Variants in TEAD1 observed in about 807,000 individuals in gnomAD.
The protein encoded by TEAD1 is TEA domain transcription factor 1.
Under a neutral mutation model 54.9 loss-of-function variants are expected in TEAD1, and 9 were observed. The ratio of observed to expected loss-of-function variants is 0.16; its 90% CI spans 0.10 to 0.29. TEAD1 has a LOEUF of 0.29. TEAD1 is among the 10% of genes least tolerant of loss of function. TEAD1 has a pLI of 1.00. For missense variants in TEAD1, 387 were observed against 535.9 expected (o/e 0.72, Z 2.74); for synonymous variants, 200 against 187.8 (o/e 1.07, Z -0.53).
intron 3 of TEAD1, among the ~76,000 whole-genome samples, chr11:12,769,681 A>G (rs896494868): frequency 5.9e-5 from 9 of 152,162 alleles, no homozygotes; most frequent in Non-Finnish European, 1.0e-4. Flanking sequence ...TCGGAGCTCC[A>G]TATGAACATC....
intron 3 of TEAD1, among the ~76,000 whole-genome samples, chr11:12,830,485 T>C (rs1946750366): frequency 6.6e-6 from 1 of 152,058 alleles, no homozygotes; most frequent in Admixed American, 6.6e-5. Context: ...CCCTCCTTTT[T>C]AGAAGCAGGC....
intron 3 of TEAD1, among the ~76,000 whole-genome samples, chr11:12,773,271 T>TA (rs1438024088): frequency 2.0e-5 from 3 of 152,246 alleles, no homozygotes; most frequent in Non-Finnish European, 4.4e-5. Flanking sequence ...AGTATTCACT[T>TA]ACATGGGATA....
chr11:12,773,575 T>C (rs1042149725), intron 3 of TEAD1, among the ~76,000 whole-genome samples: 1 of 152,256 alleles, frequency 6.6e-6, no homozygotes, highest in African/African-American at 2.4e-5. Flanking sequence ...TTCAGTGAAA[T>C]GTCTGTTCAT....
chr11:12,902,487 C>T (rs1031693297), intron 10 of TEAD1, among the ~76,000 whole-genome samples: 3 of 152,176 alleles, frequency 2.0e-5, no homozygotes, highest in Non-Finnish European at 4.4e-5. Context: ...TTTAAAATGA[C>T]GGGCAAAGTC....
chr11:12,726,424 A>G (rs1944313561), intron 2 of TEAD1, among the ~76,000 whole-genome samples: 1 of 152,224 alleles, frequency 6.6e-6, no homozygotes, highest in Non-Finnish European at 1.5e-5. Flanking sequence ...TGGTTGCTCT[A>G]GGCCTGTGCT....
At chr11:12,748,419 A>G (rs1944795540) in intron 2 of TEAD1, among the ~76,000 whole-genome samples, 1 of 152,174 alleles carries the variant, frequency 6.6e-6, no homozygotes, top group Admixed American at 6.5e-5. Context: ...GTGTGCAGCT[A>G]GAATGTTGGG....
chr11:12,739,504 A>G (rs2133890357), intron 2 of TEAD1, among the ~76,000 whole-genome samples: 1 of 152,240 alleles, frequency 6.6e-6, no homozygotes, highest in Non-Finnish European at 1.5e-5. Context: ...TGACTACTCT[A>G]GGTACCGCAT....
In TEAD1 at chr11:12,941,427, A is replaced by T. The variant is rs761541938; in HGVS notation, c.*4205A>T. ...ACTTGGTGTCAAAAGTCCCCGAACG[A>T]CTTTTAAACCCAAGTCTTCTTAAGG... On this transcript the variant is annotated 3_prime_UTR_variant, in exon 13 of 13. Coordinates refer to ENST00000527636, the MANE Select transcript of TEAD1 (RefSeq NM_021961.6). 3 of 152,228 alleles carry T rather than the reference A, an allele frequency of 2.0e-5. No individual in the cohort carries two copies. Among genetic ancestry groups the T allele is most frequent in the Non-Finnish European group, 2.9e-5 (2 of 68,036 alleles). 9.4% of individuals were successfully genotyped at this position (152,228 alleles called of 1,614,324 possible).
At chr11:12,727,428 G>C (rs547100625) in intron 2 of TEAD1, among the ~76,000 whole-genome samples, 4 of 152,132 alleles carry the variant, frequency 2.6e-5, no homozygotes, top group Non-Finnish European at 4.4e-5. Context: ...TAGGCGCTTC[G>C]CATCTCTGAA....
At chr11:12,906,146 G>A (rs953692349) in intron 10 of TEAD1, among the ~76,000 whole-genome samples, 5 of 151,908 alleles carry the variant, frequency 3.3e-5, no homozygotes, top group South Asian at 2.1e-4. Context: ...TCATGGTGTG[G>A]GACCCCTTAA....
intron 9 of TEAD1, among the ~76,000 whole-genome samples, chr11:12,887,454 G>T (rs1948115061): frequency 6.6e-6 from 1 of 152,176 alleles, no homozygotes; most frequent in Non-Finnish European, 1.5e-5. Flanking sequence ...CTGAAGGTTG[G>T]TTCTTGTGCT....
intron 5 of TEAD1, chr11:12,865,124 T>TGTATGTG (rs1269275187): frequency 2.3e-5 from 14 of 604,390 alleles, no homozygotes; most frequent in Non-Finnish European, 3.9e-5. Context: ...TGTGTGCGTG[T>TGTATGTG]GTATGTGTGT....
intron 2 of TEAD1, among the ~76,000 whole-genome samples, chr11:12,749,120 G>C (rs1396722712): frequency 6.6e-6 from 1 of 152,052 alleles, no homozygotes; most frequent in Non-Finnish European, 1.5e-5. Context: ...TGCCAGAACT[G>C]TGTGTGTGTG....
intron 3 of TEAD1, among the ~76,000 whole-genome samples, chr11:12,822,034 G>A (rs1428159649): frequency 1.5e-5 from 2 of 129,466 alleles, no homozygotes; most frequent in African/African-American, 3.0e-5. Flanking sequence ...CGCGATCTCC[G>A]CTCACTGCAA....
chr11:12,799,634 A>G (rs1946008000), intron 3 of TEAD1, among the ~76,000 whole-genome samples: 1 of 152,212 alleles, frequency 6.6e-6, no homozygotes, highest in Non-Finnish European at 1.5e-5. Flanking sequence ...ATTTATTTCC[A>G]TTTAACAAAT....
intron 9 of TEAD1, among the ~76,000 whole-genome samples, chr11:12,893,362 G>A (rs760683471): frequency 3.3e-5 from 5 of 152,140 alleles, no homozygotes; most frequent in East Asian, 1.9e-4. Flanking sequence ...AGCCCTTGCC[G>A]AGCCACCTGC....
chr11:12,916,726 C>A (rs1052574424), intron 10 of TEAD1, among the ~76,000 whole-genome samples: 2 of 152,218 alleles, frequency 1.3e-5, no homozygotes, highest in Admixed American at 1.3e-4. Flanking sequence ...TGAGAAGCAG[C>A]ATTCACAGAC....
chr11:12,933,034 G>T (rs1240646954), intron 12 of TEAD1, among the ~76,000 whole-genome samples: 2 of 152,132 alleles, frequency 1.3e-5, no homozygotes, highest in African/African-American at 4.8e-5. Flanking sequence ...ACACCATATA[G>T]CCTAGGTGTG....
At chr11:12,751,630 C>G (rs1360050322) in intron 2 of TEAD1, among the ~76,000 whole-genome samples, 1 of 152,162 alleles carries the variant, frequency 6.6e-6, no homozygotes, top group Non-Finnish European at 1.5e-5. Flanking sequence ...GGGAGGGGCT[C>G]TCAGTAAATG....
Sources: allele counts gnomAD v4.1 joint callset (sites outside exome capture counted in the v4.1 genomes callset), GRCh38; gene constraint gnomAD v4.1.1; transcripts MANE v1.5; gene names NCBI Gene and HGNC (gene_info 2026-07-23, HGNC 2026-07-21).